Variants in TEAD1 observed in about 807,000 individuals in gnomAD.
TEAD1 encodes the protein TEA domain transcription factor 1.
A neutral mutation model predicts 54.9 loss-of-function variants in TEAD1; 9 were observed. The observed-to-expected ratio is 0.16, with a 90% CI of 0.10 to 0.29. TEAD1 has a LOEUF of 0.29. TEAD1 is among the 10% of genes least tolerant of loss of function. The pLI, the probability that TEAD1 is intolerant of heterozygous loss-of-function variation, is 1.00. For synonymous variants in TEAD1, 200 were observed against 187.8 expected, an observed-to-expected ratio of 1.07 and a Z score of -0.53; for missense variants, 387 against 535.9, an observed-to-expected ratio of 0.72 and a Z score of 2.74.
chr11:12,726,480 A>G (rs1023086228), intron 2 of TEAD1, among the ~76,000 whole-genome samples: 2 of 152,164 alleles, frequency 1.3e-5, no homozygotes, highest in Non-Finnish European at 2.9e-5. Flanking sequence ...CAGCACTAGG[A>G]AGGTGGCTAA....
intron 2 of TEAD1, among the ~76,000 whole-genome samples, chr11:12,687,968 A>G (rs1045680378): frequency 6.6e-6 from 1 of 152,038 alleles, no homozygotes; most frequent in East Asian, 1.9e-4. Context: ...TTGGAACTGG[A>G]CCTGCCAGTT....
At chr11:12,770,068 T>C (rs1445303506) in intron 3 of TEAD1, among the ~76,000 whole-genome samples, 2 of 152,202 alleles carry the variant, frequency 1.3e-5, no homozygotes, top group African/African-American at 4.8e-5. Context: ...CAAATGTTAG[T>C]TGAAGAGATA....
intron 5 of TEAD1, among the ~76,000 whole-genome samples, chr11:12,878,563 CATACCAGGAGGCT>C (rs1391209424): frequency 6.6e-6 from 1 of 152,168 alleles, no homozygotes; most frequent in Non-Finnish European, 1.5e-5. Context: ...GGGCCTGTCT[CATACCAGGAGGCT>C]ATTTCTCTGT....
At chr11:12,769,884 T>G (rs1485545715) in intron 3 of TEAD1, among the ~76,000 whole-genome samples, 1 of 152,082 alleles carries the variant, frequency 6.6e-6, no homozygotes, top group Non-Finnish European at 1.5e-5. Context: ...GCTGAATAAA[T>G]GCTTATGGGA....
chr11:12,699,639 T>C (rs2133836338), intron 2 of TEAD1, among the ~76,000 whole-genome samples: 1 of 152,354 alleles, frequency 6.6e-6, no homozygotes, highest in Non-Finnish European at 1.5e-5. Context: ...TCTGATTTAC[T>C]CACTAGATTA....
intron 11 of TEAD1, among the ~76,000 whole-genome samples, chr11:12,927,000 C>T (rs1948914515): frequency 6.6e-6 from 1 of 152,200 alleles, no homozygotes; most frequent in African/African-American, 2.4e-5. Context: ...AGTTGAAATT[C>T]CCTGCCTGGA....
intron 3 of TEAD1, among the ~76,000 whole-genome samples, chr11:12,850,337 G>A (rs1947249018): frequency 6.6e-6 from 1 of 152,228 alleles, no homozygotes; most frequent in Non-Finnish European, 1.5e-5. Flanking sequence ...TCAGGAGGCT[G>A]AGGCAGGAGA....
chr11:12,921,475 G>C (rs1948804900), intron 10 of TEAD1, among the ~76,000 whole-genome samples: 1 of 151,140 alleles, frequency 6.6e-6, no homozygotes, highest in African/African-American at 2.4e-5. Context: ...AGGAGGCAGA[G>C]GTTGCGGTGA....
In TEAD1 at chr11:12,711,058, T is replaced by TC. The variant is rs549918475; in HGVS notation, c.-55+35498dup. Among the ~76,000 whole-genome samples the TC allele has an allele frequency of 3.7e-3, 559 of 152,268 alleles. 3 individuals carry two copies. The highest frequency in any genetic ancestry group is 6.0e-3 in the Non-Finnish European group (411 of 68,006). On this transcript the variant is annotated intron_variant, in intron 2 of 12. Coordinates refer to ENST00000527636, the MANE Select transcript of TEAD1 (RefSeq NM_021961.6). ...TACCATGTTTAGGAGCTTGGATTGA[T>TC]CTGTTGGTGACTGGCTGGCCTGCTG...
chr11:12,717,093 G>A (rs1350096945), intron 2 of TEAD1, among the ~76,000 whole-genome samples: 1 of 152,202 alleles, frequency 6.6e-6, no homozygotes, highest in African/African-American at 2.4e-5. Flanking sequence ...CAGAGGATGA[G>A]CCATAAACAG....
chr11:12,762,949 G>C (rs992673974), intron 2 of TEAD1, among the ~76,000 whole-genome samples: 9 of 152,164 alleles, frequency 5.9e-5, no homozygotes, highest in African/African-American at 2.2e-4. Context: ...TTGATGGGGT[G>C]AGAAGGGGAG....
chr11:12,740,576 T>C (rs529837988), intron 2 of TEAD1, among the ~76,000 whole-genome samples: 9 of 152,270 alleles, frequency 5.9e-5, no homozygotes, highest in Non-Finnish European at 8.8e-5. Flanking sequence ...AGGAAACTTA[T>C]AATCATGGTA....
At chr11:12,831,647 C>T (rs1231237992) in intron 3 of TEAD1, among the ~76,000 whole-genome samples, 1 of 151,844 alleles carries the variant, frequency 6.6e-6, no homozygotes, top group Non-Finnish European at 1.5e-5. Context: ...AGTGTGGTGA[C>T]GTGTGCCTGT....
intron 2 of TEAD1, among the ~76,000 whole-genome samples, chr11:12,690,261 A>AAT (rs1554920388): frequency 2.1e-5 from 3 of 145,894 alleles, no homozygotes; most frequent in South Asian, 2.3e-4. Context: ...AAAAAAAAAA[A>AAT]AATAATAAGC....
At chr11:12,846,529 TGTGTGGTG>T (rs1482176278) in intron 3 of TEAD1, among the ~76,000 whole-genome samples, 3 of 152,158 alleles carry the variant, frequency 2.0e-5, no homozygotes, top group African/African-American at 7.2e-5. Flanking sequence ...GTCAAACTTC[TGTGTGGTG>T]AATGAGCTTG....
chr11:12,731,647 C>G (rs1426107243), intron 2 of TEAD1, among the ~76,000 whole-genome samples: 2 of 152,130 alleles, frequency 1.3e-5, no homozygotes, highest in African/African-American at 4.8e-5. Flanking sequence ...CAGTTATAAA[C>G]CATGCTGTAA....
At chr11:12,675,797 T>G (rs1943072359) in intron 2 of TEAD1, among the ~76,000 whole-genome samples, 2 of 152,258 alleles carry the variant, frequency 1.3e-5, no homozygotes, top group Non-Finnish European at 2.9e-5. Context: ...CAATGAGGAC[T>G]CACACCTCCC....
chr11:12,794,635 C>G (rs1392537047), intron 3 of TEAD1, among the ~76,000 whole-genome samples: 1 of 152,196 alleles, frequency 6.6e-6, no homozygotes, highest in Non-Finnish European at 1.5e-5. Flanking sequence ...GCCTTCCTGT[C>G]AGAGCCTCCT....
chr11:12,776,288 A>G (rs972782044), intron 3 of TEAD1, among the ~76,000 whole-genome samples: 2 of 152,184 alleles, frequency 1.3e-5, no homozygotes, highest in African/African-American at 4.8e-5. Context: ...AGAAAGGAAG[A>G]CGTCCACATC....
Sources: gnomAD v4.1 joint callset for allele counts (sites outside exome capture counted in the v4.1 genomes callset) on GRCh38, gnomAD v4.1.1 for gene constraint, MANE v1.5 for transcripts, NCBI Gene and HGNC (gene_info 2026-07-23, HGNC 2026-07-21) for gene names.